The following TBCD variants were observed in gnomAD, a reference collection of about 807,000 sequenced individuals.
The protein encoded by TBCD is tubulin-specific chaperone D.
Under a neutral mutation model 169.3 loss-of-function variants are expected in TBCD, and 105 were observed. The observed-to-expected ratio is 0.62, with a 90% confidence interval of 0.53 to 0.73. The LOEUF (loss-of-function observed/expected upper bound fraction) is 0.73. Ranked by LOEUF, TBCD falls within the 30% of genes least tolerant of loss-of-function variation. The pLI is 0.00. For missense variants in TBCD, 1,444 were observed against 1,600.1 expected, an observed-to-expected ratio of 0.90 and a Z score of 1.66; for synonymous variants, 700 against 643.9, an observed-to-expected ratio of 1.09 and a Z score of -1.32.
intron 15 of TBCD, among the ~76,000 whole-genome samples, chr17:82,887,176 C>CGCGCG: frequency 1.5e-5 from 1 of 67,644 alleles, no homozygotes; most frequent in South Asian, 5.1e-4. Flanking sequence ...TGTGCGCGCG[C>CGCGCG]GCGCACGTGC....
In TBCD at chr17:82,854,844, G is replaced by A. The variant is rs908105457; in HGVS notation, c.1319-15380G>A. Among the ~76,000 whole-genome samples the A allele has an allele frequency of 5.9e-5, 9 of 152,142 alleles. No homozygotes were observed. The East Asian group carries it at 1.2e-3, about 19-fold the overall frequency. On this transcript the variant is annotated intron_variant, in intron 13 of 38. Transcript: ENST00000355528. The stretch of plus-strand genomic sequence containing the variant: ...TTGAAAGAGTGGATCTGTCAGCATC[G>A]CAGTGGACACAAGCCACTTAACAGT...
chr17:82,876,039 GAC>G (rs1273083835), intron 14 of TBCD, among the ~76,000 whole-genome samples: 1 of 152,124 alleles, frequency 6.6e-6, no homozygotes, highest in African/African-American at 2.4e-5. Context: ...ACTTTCAAAT[GAC>G]ACAGAATTAT....
rs1006941268 is a variant in TBCD, at chr17:82,831,087, C to T, written c.1318+16153C>T. 1.9e-6 allele frequency: 3 copies of T among 1,614,128 alleles called. No homozygotes were observed. Among genetic ancestry groups the T allele is most frequent in the South Asian group, 2.2e-5 (2 of 91,080 alleles). On this transcript the variant is annotated intron_variant, in intron 13 of 38. Coordinates refer to ENST00000355528, the MANE Select transcript of TBCD (RefSeq NM_005993.5). The surrounding 1 kb of genome is among the most constrained non-coding windows in gnomAD (Gnocchi z 4.6). The stretch of plus-strand genomic sequence containing the variant: ...GGCATTCTGTGCTTTTCTTAACAGG[C>T]CTGAAGGCTGTGAGGCTTTGCTCTG...
chr17:82,813,608 TG>T (rs1386253072), intron 12 of TBCD, among the ~76,000 whole-genome samples: 1 of 152,222 alleles, frequency 6.6e-6, no homozygotes, highest in African/African-American at 2.4e-5. Flanking sequence ...GACAGGCATT[TG>T]TTTTGGTATT....
At chr17:82,753,543 A>C (rs1347427396) in intron 1 of TBCD, among the ~76,000 whole-genome samples, 2 of 144,056 alleles carry the variant, frequency 1.4e-5, no homozygotes, top group Non-Finnish European at 3.0e-5. Flanking sequence ...TGCAACCTCA[A>C]CCTCTCAGGT....
At chr17:82,937,633 T>G (rs2147494123) in intron 35 of TBCD, 1 of 601,084 alleles carries the variant, frequency 1.7e-6, no homozygotes, top group African/African-American at 1.9e-5. Context: ...GGAAAGGAGC[T>G]GCGTGGTCAG....
chr17:82,912,300 C>T (rs941736696), intron 23 of TBCD, among the ~76,000 whole-genome samples: 1 of 152,226 alleles, frequency 6.6e-6, no homozygotes, highest in Non-Finnish European at 1.5e-5. Context: ...ACCTCTGCGC[C>T]TGATTCCCAA....
chr17:82,859,938 C>T lies in TBCD; in HGVS notation c.1319-10286C>T, dbSNP rs571424874. ...TGACATGGCCTTTGGCCTCCCCAGC[C>T]GTCTGGCCTGGGCCTCGTGGTCCTG... On this transcript the variant is annotated intron_variant, in intron 13 of 38. Coordinates refer to ENST00000355528, the MANE Select transcript of TBCD (RefSeq NM_005993.5). The T allele has an allele frequency of 3.5e-5, 34 of 973,486 alleles. 1 individual carries two copies. The African/African-American group carries it at 4.2e-4, about 12-fold the overall frequency. The allele number at this position is 973,486 out of a possible 1,614,324, so 60.3% of individuals were successfully genotyped here.
chr17:82,783,361 C>CA (rs1222686530), intron 7 of TBCD, among the ~76,000 whole-genome samples: 1 of 152,198 alleles, frequency 6.6e-6, no homozygotes. Context: ...CAGCAGTTTT[C>CA]AAAAATCAAG....
At chr17:82,830,599 G>A (rs749230151) in intron 13 of TBCD, 2 of 1,614,066 alleles carry the variant, frequency 1.2e-6, no homozygotes, top group Non-Finnish European at 8.5e-7. Flanking sequence ...TGCAGCTCGT[G>A]GTCGACCGGG....
rs2057060107 is a variant in TBCD, at chr17:82,864,981, T to C, written c.1319-5243T>C. 1.3e-5 allele frequency among the ~76,000 whole-genome samples: 2 copies of C among 152,168 alleles called. No homozygotes were observed. Among genetic ancestry groups the C allele is most frequent in the Admixed American group, 1.3e-4 (2 of 15,282 alleles). On this transcript the variant is annotated intron_variant, in intron 13 of 38. Coordinates refer to ENST00000355528, the MANE Select transcript of TBCD (RefSeq NM_005993.5). This position sits in a 1 kb window ranked among gnomAD's most constrained non-coding sequence, Gnocchi z 6.3. ...GGCAGGCCGAGCACCAAGTCTGTGC[T>C]TGCCCCACTGTGCAGCGTTGCAGGT...
At chr17:82,773,071 A>G (rs957263037) in intron 6 of TBCD, among the ~76,000 whole-genome samples, 5 of 152,254 alleles carry the variant, frequency 3.3e-5, no homozygotes, top group African/African-American at 1.2e-4. Context: ...ATTTCTAATC[A>G]GTATTTTACA....
At chr17:82,932,806 T>A in intron 34 of TBCD, 71 bp downstream of exon 34, 1 of 1,474,052 alleles carries the variant, frequency 6.8e-7, no homozygotes, top group Non-Finnish European at 9.4e-7. Context: ...GAAAAAGTCA[T>A]CAGACACAGA....
intron 6 of TBCD, among the ~76,000 whole-genome samples, chr17:82,773,819 C>T (rs144034069): frequency 0.016 from 2,391 of 151,976 alleles, 58 homozygotes; most frequent in African/African-American, 0.054. Context: ...CTCTGCCTCC[C>T]GGTTTCACAC....
chr17:82,900,194 T>G (rs1375043426), intron 17 of TBCD, among the ~76,000 whole-genome samples: 1 of 152,188 alleles, frequency 6.6e-6, no homozygotes, highest in Non-Finnish European at 1.5e-5. Context: ...AATTCCCGCC[T>G]CGGTCCTCCC....
chr17:82,858,564 G>A (rs1313564180), intron 13 of TBCD: 1 of 985,430 alleles, frequency 1.0e-6, no homozygotes, highest in Non-Finnish European at 1.2e-6. Context: ...AAAGTAGCTG[G>A]CTGGGGCTTC....
intron 38 of TBCD, 196 bp downstream of exon 38, chr17:82,941,679 G>A: frequency 1.7e-6 from 1 of 580,704 alleles, no homozygotes. Flanking sequence ...GGGCCCCTGT[G>A]GCATCCAGGC....
chr17:82,781,579 C>A lies in TBCD; in HGVS notation c.639-10C>A, dbSNP rs200245780. 1 of 1,613,412 alleles carries A rather than the reference C, an allele frequency of 6.2e-7. No homozygotes were observed. Among genetic ancestry groups the A allele is most frequent in the African/African-American group, 1.3e-5 (1 of 74,938 alleles). ...GCTGAGGCCTTGGTTGAGCTGTATCCTTTTGGCAGATTTATCACACGTCCT... is the reference window on the plus strand; with the variant it reads ...GCTGAGGCCTTGGTTGAGCTGTATCATTTTGGCAGATTTATCACACGTCCT... On this transcript the variant is annotated splice_polypyrimidine_tract_variant and intron_variant, in intron 6 of 38. Transcript: ENST00000355528.
intron 13 of TBCD, among the ~76,000 whole-genome samples, chr17:82,867,397 C>T (rs780512476): frequency 2.0e-5 from 3 of 152,194 alleles, no homozygotes; most frequent in Non-Finnish European, 4.4e-5. Flanking sequence ...GCCGGGTGGT[C>T]GTGCCTGGGG....
Sources: gnomAD v4.1 joint callset for allele counts (sites outside exome capture counted in the v4.1 genomes callset) on GRCh38, gnomAD v4.1.1 for gene constraint, Gnocchi (gnomAD v3.1) non-coding constraint, MANE v1.5 for transcripts, NCBI Gene and HGNC (gene_info 2026-07-23, HGNC 2026-07-21) for gene names.